EML1: variants seen among roughly 807,000 people sequenced by gnomAD.
The protein encoded by EML1 is EMAP like 1.
EML1 carries 27 observed loss-of-function variants against 110.4 expected under a neutral mutation model. The ratio of observed to expected loss-of-function variants is 0.24; its 90% CI spans 0.18 to 0.34. The LOEUF (loss-of-function observed/expected upper bound fraction) is 0.34, where lower values mean the gene tolerates loss of function less well. Ranked by LOEUF, EML1 falls within the 10% of genes least tolerant of loss-of-function variation. The pLI is 1.00. For missense variants in EML1, 741 were observed against 1,030.9 expected (o/e 0.72, Z 3.85); for synonymous variants, 344 against 385.8 (o/e 0.89, Z 1.27).
intron 3 of EML1, 84 bp from the exon 4 acceptor site, chr14:99,878,401 G>T: frequency 6.6e-7 from 1 of 1,504,914 alleles, no homozygotes; most frequent in Non-Finnish European, 8.9e-7. Flanking sequence ...GAAGTATGAC[G>T]TTCTATGTAT....
At chr14:99,884,142 C>T (rs969765583) in intron 4 of EML1, among the ~76,000 whole-genome samples, 6 of 152,200 alleles carry the variant, frequency 3.9e-5, no homozygotes, top group Admixed American at 2.0e-4. Context: ...CAGAGCTGGT[C>T]TGCGGTCGGC....
At chr14:99,797,222 T>C (rs1267036917) in intron 1 of EML1, among the ~76,000 whole-genome samples, 1 of 152,242 alleles carries the variant, frequency 6.6e-6, no homozygotes, top group Non-Finnish European at 1.5e-5. Context: ...TGTTCCTGGC[T>C]TCTTTCACTT....
intron 1 of EML1, among the ~76,000 whole-genome samples, chr14:99,806,926 A>C (rs1322466626): frequency 8.5e-5 from 13 of 152,182 alleles, no homozygotes. Flanking sequence ...ATTCTCTCCC[A>C]ATTAGCTAAG....
chr14:99,823,735 A>G (rs2058303351), intron 1 of EML1, among the ~76,000 whole-genome samples: 1 of 152,096 alleles, frequency 6.6e-6, no homozygotes. Flanking sequence ...AGATAAGTGA[A>G]CAAGAGAGTT....
Position 99,907,634 on chromosome 14 carries a change from T to G in EML1, c.1009-4T>G. On this transcript the variant is annotated splice_polypyrimidine_tract_variant and splice_region_variant and intron_variant, in intron 9 of 21. Transcript: ENST00000262233. ...AGTCTTCCTGTGAATAACTTTCTTT[T>G]CAGAATGGAGGAACCAATCTCTGTG... is the stretch of plus-strand genomic sequence containing the variant. 1 of 1,613,762 alleles carries G rather than the reference T, an allele frequency of 6.2e-7. No individual in the cohort carries two copies. The highest frequency in any genetic ancestry group is 8.5e-7 in the Non-Finnish European group (1 of 1,179,810).
intron 1 of EML1, among the ~76,000 whole-genome samples, chr14:99,831,814 A>G (rs190203220): frequency 2.4e-4 from 35 of 148,848 alleles, no homozygotes; most frequent in Middle Eastern, 3.6e-3. Context: ...CAAATATACA[A>G]TTTTTTTCTT....
chr14:99,818,737 C>T (rs1649112162), intron 1 of EML1, among the ~76,000 whole-genome samples: 2 of 152,000 alleles, frequency 1.3e-5, no homozygotes, highest in Non-Finnish European at 2.9e-5. Flanking sequence ...TGAGATCACC[C>T]AGAAGGAGAG....
intron 4 of EML1, among the ~76,000 whole-genome samples, chr14:99,882,835 A>C (rs796891426): frequency 1.3e-5 from 2 of 148,866 alleles, no homozygotes; most frequent in East Asian, 1.9e-4. Flanking sequence ...AAAAAAAAAA[A>C]CCCACCTCAA....
At chr14:99,858,494 C>G (rs1185169071) in intron 2 of EML1, among the ~76,000 whole-genome samples, 1 of 152,154 alleles carries the variant, frequency 6.6e-6, no homozygotes, top group Non-Finnish European at 1.5e-5. Flanking sequence ...CTCCTCATTC[C>G]TTTTACAGCT....
chr14:99,848,219 A>G (rs906472273), intron 1 of EML1, among the ~76,000 whole-genome samples: 1 of 152,146 alleles, frequency 6.6e-6, no homozygotes, highest in East Asian at 1.9e-4. Flanking sequence ...CACAATATAC[A>G]TCTGTGACTT....
intron 9 of EML1, among the ~76,000 whole-genome samples, chr14:99,903,307 C>T (rs987827323): frequency 6.6e-6 from 1 of 152,148 alleles, no homozygotes; most frequent in Non-Finnish European, 1.5e-5. Context: ...CATTTCAGCT[C>T]CCCATGAGAG....
At position 99,868,339 on chromosome 14, in the gene EML1, G is replaced by A. The variant is rs528314376; in HGVS notation, c.383+2693G>A. Among the ~76,000 whole-genome samples, 99 of 152,280 alleles carry A rather than the reference G, an allele frequency of 6.5e-4. 2 individuals carry two copies. The South Asian group carries it at 0.018, about 28-fold the overall frequency. On this transcript the variant is annotated intron_variant, in intron 3 of 21. Coordinates refer to ENST00000262233, the MANE Select transcript of EML1 (RefSeq NM_004434.3). Reference sequence around the variant, plus strand: ...AATGCTGGCCTCATGCAATGATTTGGAAGTGTTCCCTCCTCCTCAATTCTT... The same window carrying A: ...AATGCTGGCCTCATGCAATGATTTGAAAGTGTTCCCTCCTCCTCAATTCTT...
chr14:99,830,656 T>C (rs951536561), intron 1 of EML1, among the ~76,000 whole-genome samples: 1 of 152,134 alleles, frequency 6.6e-6, no homozygotes, highest in African/African-American at 2.4e-5. Context: ...GTTCAAGCAA[T>C]TCTCCTGCCT....
At chr14:99,886,046 C>T (rs896483089) in intron 4 of EML1, 3 of 319,978 alleles carry the variant, frequency 9.4e-6, no homozygotes, top group South Asian at 7.9e-5. Flanking sequence ...AACTTCTAAA[C>T]ATTTTGAATA....
At chr14:99,849,818 G>T (rs11624998) in intron 1 of EML1, among the ~76,000 whole-genome samples, 37,896 of 151,794 alleles carry the variant, frequency 0.25, 5,157 homozygotes, top group Non-Finnish European at 0.3. Context: ...AGAGTGATGG[G>T]ATTACAGACA....
intron 1 of EML1, among the ~76,000 whole-genome samples, chr14:99,757,100 G>A (rs1032734390): frequency 5.3e-5 from 8 of 152,214 alleles, no homozygotes; most frequent in African/African-American, 1.9e-4. Context: ...AGCACTTTGC[G>A]AGGCCGAGGC....
In EML1 at chr14:99,753,915, C is replaced by G. The variant is rs181180929; in HGVS notation, c.28+16055C>G. Among the ~76,000 whole-genome samples, 4 of 152,328 alleles carry G rather than the reference C, an allele frequency of 2.6e-5. No homozygotes were observed. In the East Asian group the frequency reaches 5.8e-4, roughly 22 times the overall value. On this transcript the variant is annotated intron_variant, in intron 1 of 10. Coordinates refer to the EML1 transcript ENST00000554479. Reference sequence around the variant, plus strand: ...TGGAGGCTCAGAGTGGATCATCACACAGCTACTCCATGGAGGCAGAGGCTC... The same window carrying G: ...TGGAGGCTCAGAGTGGATCATCACAGAGCTACTCCATGGAGGCAGAGGCTC...
chr14:99,930,385 C>T (rs1053569368), intron 17 of EML1, among the ~76,000 whole-genome samples: 1 of 152,238 alleles, frequency 6.6e-6, no homozygotes, highest in African/African-American at 2.4e-5. Flanking sequence ...AACGCAACCA[C>T]GAAGCCAAGC....
At chr14:99,832,680 T>C (rs2058478670) in intron 1 of EML1, among the ~76,000 whole-genome samples, 1 of 152,238 alleles carries the variant, frequency 6.6e-6, no homozygotes, top group Admixed American at 6.5e-5. Flanking sequence ...GCCAAGTCTC[T>C]GTTAGATCTT....
Sources: gnomAD v4.1 joint callset for allele counts (sites outside exome capture counted in the v4.1 genomes callset) on GRCh38, gnomAD v4.1.1 for gene constraint, MANE v1.5 for transcripts, NCBI Gene and HGNC (gene_info 2026-07-23, HGNC 2026-07-21) for gene names.